The following TMEM117 variants were observed in gnomAD, a reference collection of about 807,000 sequenced individuals.
The protein encoded by TMEM117 is transmembrane protein 117.
Under a neutral mutation model 52.4 loss-of-function variants are expected in TMEM117, and 27 were observed. That is an observed-to-expected ratio of 0.51 (90% confidence interval 0.38 to 0.71). TMEM117 has a LOEUF of 0.71. TMEM117 is among the 30% of genes least tolerant of loss of function. The pLI is 0.00. For missense variants in TMEM117, 556 were observed against 630.5 expected, an observed-to-expected ratio of 0.88 and a Z score of 1.26; for synonymous variants, 215 against 206.3, an observed-to-expected ratio of 1.04 and a Z score of -0.36.
intron 6 of TMEM117, among the ~76,000 whole-genome samples, chr12:44,350,359 C>A (rs955605671): frequency 6.6e-6 from 1 of 151,972 alleles, no homozygotes; most frequent in African/African-American, 2.4e-5. Context: ...ATTGGATTAT[C>A]TGTGCCCCCA....
intron 6 of TMEM117, among the ~76,000 whole-genome samples, chr12:44,362,640 C>T (rs1951736079): frequency 6.6e-6 from 1 of 150,714 alleles, no homozygotes; most frequent in South Asian, 2.1e-4. Flanking sequence ...CAAGTGTTAG[C>T]TTAGAATTGT....
chr12:43,935,379 T>C (rs1036733487), intron 2 of TMEM117, among the ~76,000 whole-genome samples: 5 of 152,236 alleles, frequency 3.3e-5, no homozygotes, highest in Non-Finnish European at 7.3e-5. Context: ...CAAATTTCAT[T>C]TTATCTTTTA....
rs142008020 is a variant in TMEM117, at chr12:44,374,564, G to A, written c.769-2031G>A. Reference sequence around the variant, plus strand: ...CCTCTTTCCTTTACCCTTCATTTCCGTAACTTATCTTTCTCTGTGAAAGTA... The same window carrying A: ...CCTCTTTCCTTTACCCTTCATTTCCATAACTTATCTTTCTCTGTGAAAGTA... On this transcript the variant is annotated intron_variant, in intron 6 of 7. Transcript: ENST00000266534. Among the ~76,000 whole-genome samples the A allele has an allele frequency of 3.2e-3, 485 of 151,074 alleles. 2 individuals are homozygous for A. The highest frequency in any genetic ancestry group is 5.5e-3 in the Non-Finnish European group (370 of 67,852).
intron 3 of TMEM117, among the ~76,000 whole-genome samples, chr12:43,945,457 A>G (rs139063565): frequency 6.6e-6 from 1 of 152,232 alleles, no homozygotes; most frequent in African/African-American, 2.4e-5. Context: ...AGTAGCTGAG[A>G]TTATAGGCGC....
chr12:44,329,306 C>A (rs1415275381), intron 6 of TMEM117, among the ~76,000 whole-genome samples: 2 of 152,060 alleles, frequency 1.3e-5, no homozygotes, highest in African/African-American at 4.8e-5. Flanking sequence ...CCACTAAACA[C>A]ACACACCAAA....
intron 2 of TMEM117, among the ~76,000 whole-genome samples, chr12:43,899,110 C>T (rs1944262058): frequency 6.6e-6 from 1 of 152,226 alleles, no homozygotes; most frequent in Admixed American, 6.5e-5. Flanking sequence ...AATACAAGTC[C>T]TAATCTAACC....
intron 5 of TMEM117, among the ~76,000 whole-genome samples, chr12:44,214,136 T>A (rs867310656): frequency 9.5e-5 from 11 of 115,946 alleles, no homozygotes; most frequent in African/African-American, 2.8e-4. Context: ...ATTTTTTTTT[T>A]AATTTTTTTT....
In TMEM117 at chr12:43,961,929, C is replaced by T. The variant is rs143623549; in HGVS notation, c.410+17587C>T. 2.6e-5 allele frequency among the ~76,000 whole-genome samples: 4 copies of T among 152,138 alleles called. No individual in the cohort carries two copies. The South Asian group carries it at 6.2e-4, about 24-fold the overall frequency. ...CTGATTTAATAAATTAATAAGAGAT[C>T]GCCCAGCACCATCTGAGAAAGTGAT... On this transcript the variant is annotated intron_variant, in intron 3 of 7. Transcript: ENST00000266534.
intron 6 of TMEM117, among the ~76,000 whole-genome samples, chr12:44,317,863 A>C (rs1951078122): frequency 6.6e-6 from 1 of 152,010 alleles, no homozygotes; most frequent in African/African-American, 2.4e-5. Context: ...TTAGCTCCCT[A>C]CTCACCACCA....
the TMEM117 span, chr12:43,806,093 G>A: frequency 3.9e-6 from 6 of 1,519,932 alleles, no homozygotes; most frequent in South Asian, 6.0e-5. Flanking sequence ...GCCGAGGCCC[G>A]GCTCGCCCCG....
At chr12:44,068,488 AT>A (rs1245578086) in intron 3 of TMEM117, among the ~76,000 whole-genome samples, 1 of 152,160 alleles carries the variant, frequency 6.6e-6, no homozygotes, top group Non-Finnish European at 1.5e-5. Flanking sequence ...GTATTATAGT[AT>A]TATTAGTTGG....
At chr12:44,321,849 A>C (rs1221574027) in intron 6 of TMEM117, among the ~76,000 whole-genome samples, 2 of 152,222 alleles carry the variant, frequency 1.3e-5, no homozygotes, top group African/African-American at 4.8e-5. Flanking sequence ...AGAATCACTA[A>C]AGGTTTCAAG....
At chr12:44,334,591 C>T (rs549458908) in intron 6 of TMEM117, among the ~76,000 whole-genome samples, 4 of 151,962 alleles carry the variant, frequency 2.6e-5, no homozygotes, top group African/African-American at 9.7e-5. Context: ...TTAAGAGTCA[C>T]CTCTTCTGAG....
At chr12:43,903,636 A>T (rs953582232) in intron 2 of TMEM117, among the ~76,000 whole-genome samples, 1 of 152,064 alleles carries the variant, frequency 6.6e-6, no homozygotes, top group African/African-American at 2.4e-5. Flanking sequence ...GGTTTAGGGG[A>T]ACTCTGACAT....
chr12:44,077,964 G>C (rs1947408921), intron 3 of TMEM117, among the ~76,000 whole-genome samples: 1 of 151,910 alleles, frequency 6.6e-6, no homozygotes, highest in Non-Finnish European at 1.5e-5. Flanking sequence ...AAACTCAAAA[G>C]AAGGAGGAAA....
intron 3 of TMEM117, among the ~76,000 whole-genome samples, chr12:44,071,608 A>C (rs1004661993): frequency 2.0e-5 from 3 of 152,158 alleles, no homozygotes; most frequent in African/African-American, 7.2e-5. Flanking sequence ...TCAACCAAAA[A>C]CAGATTTGGA....
At position 44,065,336 on chromosome 12, in the gene TMEM117, C is replaced by T. The variant is rs185057713; in HGVS notation, c.411-78189C>T. Among the ~76,000 whole-genome samples the T allele has an allele frequency of 1.5e-4, 22 of 151,488 alleles. 1 individual carries two copies. The highest frequency in any genetic ancestry group is 5.9e-5 in the Non-Finnish European group (4 of 67,854). ...CCAAGAGGCGGAGGTTGCAGTGAGC[C>T]GAGATCACACCACTGCACTCCAGCC... On this transcript the variant is annotated intron_variant, in intron 3 of 7. Coordinates refer to ENST00000266534, the MANE Select transcript of TMEM117 (RefSeq NM_032256.3).
chr12:44,354,824 A>T (rs1287855877), intron 6 of TMEM117, among the ~76,000 whole-genome samples: 1 of 152,048 alleles, frequency 6.6e-6, no homozygotes, highest in Non-Finnish European at 1.5e-5. Context: ...TTAAAAAAAA[A>T]ATCACTGAAA....
At chr12:44,253,567 C>A (rs2138518081) in intron 5 of TMEM117, among the ~76,000 whole-genome samples, 1 of 152,252 alleles carries the variant, frequency 6.6e-6, no homozygotes, top group Non-Finnish European at 1.5e-5. Flanking sequence ...ACAGCCAAAT[C>A]TAGAGATTAG....
Sources: allele counts gnomAD v4.1 joint callset (sites outside exome capture counted in the v4.1 genomes callset), GRCh38; gene constraint gnomAD v4.1.1; transcripts MANE v1.5; gene names NCBI Gene and HGNC (gene_info 2026-07-23, HGNC 2026-07-21).